Variants in SBF2 observed in about 807,000 individuals in gnomAD.
SBF2 encodes SET binding factor 2.
In SBF2, 112 loss-of-function variants were observed where a neutral mutation model predicts 225.2. The ratio of observed to expected loss-of-function variants is 0.50; its 90% CI spans 0.43 to 0.58. SBF2 has a LOEUF of 0.58. Ranked by LOEUF, SBF2 falls within the 20% of genes least tolerant of loss-of-function variation. SBF2 has a pLI of 0.00. For missense variants in SBF2, 1,996 were observed against 2,206.2 expected, an observed-to-expected ratio of 0.90 and a Z score of 1.91; for synonymous variants, 763 against 773.3, an observed-to-expected ratio of 0.99 and a Z score of 0.22.
intron 1 of SBF2, among the ~76,000 whole-genome samples, chr11:10,242,976 A>T (rs1311644471): frequency 6.6e-6 from 1 of 152,164 alleles, no homozygotes; most frequent in East Asian, 1.9e-4. Flanking sequence ...ACTATAGATC[A>T]AATAAACCTA....
chr11:10,171,063 T>C (rs140348495), intron 2 of SBF2, among the ~76,000 whole-genome samples: 2 of 152,300 alleles, frequency 1.3e-5, no homozygotes, highest in African/African-American at 2.4e-5. Context: ...TTTTTCCAGA[T>C]ATAAGATCCA....
At chr11:10,044,920 G>A (rs1013718576) in intron 2 of SBF2, among the ~76,000 whole-genome samples, 1 of 152,180 alleles carries the variant, frequency 6.6e-6, no homozygotes, top group Admixed American at 6.5e-5. Context: ...CTGAGTGCTG[G>A]TTTCACTTTG....
intron 1 of SBF2, among the ~76,000 whole-genome samples, chr11:10,224,965 T>A (rs1410810444): frequency 6.6e-6 from 1 of 152,172 alleles, no homozygotes; most frequent in African/African-American, 2.4e-5. Context: ...TTTTATTAAC[T>A]GAAAGCTCAA....
At chr11:9,863,720 C>A (rs774325902) in intron 17 of SBF2, among the ~76,000 whole-genome samples, 23 of 149,928 alleles carry the variant, frequency 1.5e-4, no homozygotes, top group African/African-American at 2.4e-4. Context: ...TTTATCAAAT[C>A]TTAAACATAT....
Position 10,281,115 on chromosome 11 carries a change from A to C in SBF2, c.55+12900T>G, listed in dbSNP as rs1963379400. On this transcript the variant is annotated intron_variant, in intron 1 of 39. Transcript: ENST00000256190. ...AGATTTATAATGGTTTAAACATGTAAGATTATAGCCTTTCATGTCAAAATA... is the reference window on the plus strand; with the variant it reads ...AGATTTATAATGGTTTAAACATGTACGATTATAGCCTTTCATGTCAAAATA... Among the ~76,000 whole-genome samples the C allele has an allele frequency of 2.0e-5, 3 of 152,196 alleles. No individual in the cohort carries two copies. The South Asian group carries it at 6.2e-4, about 32-fold the overall frequency.
chr11:10,222,619 C>A (rs1958380510), intron 1 of SBF2, among the ~76,000 whole-genome samples: 1 of 152,108 alleles, frequency 6.6e-6, no homozygotes, highest in Admixed American at 6.5e-5. Context: ...AGGAACAGAG[C>A]CTCATGACTG....
At chr11:10,246,892 T>A (rs1048424753) in intron 1 of SBF2, among the ~76,000 whole-genome samples, 4 of 152,096 alleles carry the variant, frequency 2.6e-5, no homozygotes, top group African/African-American at 9.7e-5. Flanking sequence ...CTGGGCACCA[T>A]AGTGAGACCT....
rs59879686 is a variant in SBF2, at chr11:10,130,363, G to GA, written c.141+63538dup. 2.6e-3 allele frequency among the ~76,000 whole-genome samples: 357 copies of GA among 134,722 alleles called. 2 individuals carry two copies. Among genetic ancestry groups the GA allele is most frequent in the Middle Eastern group, 4.0e-3 (1 of 248 alleles). The allele number at this position is 134,722 out of a possible 152,430, so 88.4% of individuals were successfully genotyped here. A position where few individuals can be genotyped will look rare whatever the true frequency, so the allele number is the denominator to read the frequency against. On this transcript the variant is annotated intron_variant, in intron 2 of 39. Transcript: ENST00000256190. ...GGTGACAGAGCAAGACACCATCTCA[G>GA]AAAAAAAAAAAAAATTCAGTAGATT...
chr11:9,888,562 G>A (rs183060172), intron 17 of SBF2, among the ~76,000 whole-genome samples: 36 of 151,720 alleles, frequency 2.4e-4, no homozygotes, highest in Non-Finnish European at 4.3e-4. Context: ...ACTATGTAAC[G>A]ATTAAAGGGT....
chr11:9,893,557 T>C (rs1746347069), intron 17 of SBF2, among the ~76,000 whole-genome samples: 1 of 152,232 alleles, frequency 6.6e-6, no homozygotes, highest in Admixed American at 6.5e-5. Context: ...CTAATGGTGG[T>C]GTGTGGGACC....
intron 2 of SBF2, among the ~76,000 whole-genome samples, chr11:10,179,758 T>C (rs939794130): frequency 8.5e-5 from 13 of 152,188 alleles, no homozygotes; most frequent in Non-Finnish European, 1.3e-4. Flanking sequence ...TCTGGTTGTT[T>C]TGCAGTCTTC....
chr11:9,878,869 G>A (rs371332685), intron 17 of SBF2, among the ~76,000 whole-genome samples: 18 of 152,260 alleles, frequency 1.2e-4, no homozygotes, highest in African/African-American at 4.1e-4. Context: ...GCCTATGACC[G>A]AGGGTTAAGC....
chr11:9,790,776 TA>T (rs1482319579), intron 33 of SBF2, 93 bp from the exon 34 acceptor site: 2 of 981,702 alleles, frequency 2.0e-6, no homozygotes, highest in African/African-American at 1.6e-5. Context: ...AAAAGTGGAA[TA>T]TTTTTTATGG....
intron 1 of SBF2, among the ~76,000 whole-genome samples, chr11:10,237,498 A>T (rs75808749): frequency 0.073 from 11,154 of 152,224 alleles, 594 homozygotes; most frequent in East Asian, 0.29. Flanking sequence ...GCCTCAAATC[A>T]TCTCAGTACT....
At chr11:10,074,717 T>C (rs1255624830) in intron 2 of SBF2, among the ~76,000 whole-genome samples, 1 of 152,188 alleles carries the variant, frequency 6.6e-6, no homozygotes, top group Non-Finnish European at 1.5e-5. Context: ...AATGTGTACA[T>C]TAGATTCCCC....
intron 1 of SBF2, among the ~76,000 whole-genome samples, chr11:10,230,951 C>A (rs1228794397): frequency 6.6e-6 from 1 of 152,184 alleles, no homozygotes; most frequent in East Asian, 1.9e-4. Context: ...GTACACCAAT[C>A]AGACATAGAT....
Position 10,276,551 on chromosome 11 carries a change from T to A in SBF2, c.55+17464A>T, listed in dbSNP as rs543220480. On this transcript the variant is annotated intron_variant, in intron 1 of 39. Coordinates refer to ENST00000256190, the MANE Select transcript of SBF2 (RefSeq NM_030962.4). ...GCCACTACTCATCTCCACCTCCCAG[T>A]CCCCACAATGTATTTATAGACAAAA... Among the ~76,000 whole-genome samples the A allele has an allele frequency of 8.5e-5, 13 of 152,278 alleles. No homozygotes were observed. The East Asian group carries it at 2.3e-3, about 27-fold the overall frequency.
intron 17 of SBF2, among the ~76,000 whole-genome samples, chr11:9,869,258 C>G (rs1858511342): frequency 6.6e-6 from 1 of 152,140 alleles, no homozygotes; most frequent in Non-Finnish European, 1.5e-5. Flanking sequence ...TTAAATTATT[C>G]TTAAATCTGT....
At chr11:10,254,900 CAAAAAAAAAAAAAAAAAAAAAAAA>C (rs71034757) in intron 1 of SBF2, among the ~76,000 whole-genome samples, 8 of 44,074 alleles carry the variant, frequency 1.8e-4, no homozygotes, top group East Asian at 9.3e-4. Flanking sequence ...GACTCTGTCT[CAAAAAAAAAAAAAAAAAAAAAAAA>C]AAAAAAAAAA....
Sources: allele counts gnomAD v4.1 joint callset (sites outside exome capture counted in the v4.1 genomes callset), GRCh38; gene constraint gnomAD v4.1.1; transcripts MANE v1.5; gene names NCBI Gene and HGNC (gene_info 2026-07-23, HGNC 2026-07-21).